The following CTLA4 variants were observed in gnomAD, a reference collection of about 807,000 sequenced individuals.
The protein encoded by CTLA4 is cytotoxic T-lymphocyte associated protein 4, also known as cytotoxic T-lymphocyte protein 4.
Under a neutral mutation model 20.4 loss-of-function variants are expected in CTLA4, and 3 were observed. The observed-to-expected ratio is 0.15, with a 90% CI of 0.07 to 0.38. The LOEUF (loss-of-function observed/expected upper bound fraction) is 0.38. Ranked by LOEUF, CTLA4 falls within the 10% of genes least tolerant of loss-of-function variation. The pLI is 1.00. For synonymous variants in CTLA4, 100 were observed against 105.2 expected (o/e 0.95, Z 0.30); for missense variants, 184 against 276.8 (o/e 0.66, Z 2.38).
rs144988077 is a variant in CTLA4 at position 203,870,802 on chromosome 2, G to A, written c.326G>A (p.Gly109Glu). The part of the protein sequence containing the change: ...DDSICTGTSS[G>E]NQVNLTIQGL... ...TCCATCTGCACGGGCACCTCCAGTG[G>A]AAATCAAGTGAACCTCACTATCCAA... The change falls in exon 2 of 4, where the codon GGA (glycine) becomes GAA (glutamate). Residue 109 changes from glycine (G) to glutamate (E), a missense_variant. Gly to Glu is a moderately conservative substitution (Grantham distance 98). Around this residue, in one of 3 missense-constraint regions of CTLA4, gnomAD observed 147 missense variants for 223.4 expected, o/e 0.66. Transcript: ENST00000648405. The surrounding 1 kb of genome is among the most constrained non-coding windows in gnomAD (Gnocchi z 5.3). The A allele has an allele frequency of 2.4e-4, 380 of 1,614,186 alleles. 1 individual carries two copies. Among genetic ancestry groups the A allele is most frequent in the Middle Eastern group, 2.3e-3 (14 of 6,062 alleles).
rs1375619110 is a variant in CTLA4, at chr2:203,871,379, T to C, written c.459T>C (p.Asp153=). Residue 153 remains aspartate (D), a splice_region_variant and synonymous_variant, in exon 3 of 4, where the codon GAT becomes GAC. Coordinates refer to ENST00000648405, the MANE Select transcript of CTLA4 (RefSeq NM_005214.5). ...IGNGTQIYVI[D]PEPCPDSDFL... is the part of the protein sequence containing the mutation. ...GCTCTGCTTTGTTTTCTGTTGCAGA[T>C]CCAGAACCGTGCCCAGATTCTGACT... is the stretch of plus-strand genomic sequence containing the variant. 1.2e-6 allele frequency: 2 copies of C among 1,613,768 alleles called. No homozygotes were observed. Among genetic ancestry groups the C allele is most frequent in the African/African-American group, 1.3e-5 (1 of 74,914 alleles).
At position 203,873,239 on chromosome 2, in the gene CTLA4, A is replaced by C. The variant is rs1281873384; in HGVS notation, c.*427A>C. On this transcript the variant is annotated 3_prime_UTR_variant, in exon 4 of 4. Coordinates refer to ENST00000648405, the MANE Select transcript of CTLA4 (RefSeq NM_005214.5). ...TTAAATTTTATGCCTTTTATTTCTT[A>C]AACAAATGTATGATTACATCAAGGC... The C allele has an allele frequency of 4.2e-5, 17 of 400,994 alleles. No homozygotes were observed. The East Asian group carries it at 6.0e-4, about 14-fold the overall frequency. 24.8% of individuals were successfully genotyped at this position (400,994 alleles called of 1,614,324 possible).
Position 203,868,004 on chromosome 2 carries a change from C to A in CTLA4, c.62C>A (p.Pro21His). 2 of 1,614,118 alleles carry A rather than the reference C, an allele frequency of 1.2e-6. No individual in the cohort carries two copies. The highest frequency in any genetic ancestry group is 1.1e-5 in the South Asian group (1 of 91,076). The part of the protein sequence containing the change: ...AQLNLATRTW[P>H]CTLLFFLLFI... ...CTGAACCTGGCTACCAGGACCTGGCCCTGCACTCTCCTGTTTTTTCTTCTC... is the reference window on the plus strand; with the variant it reads ...CTGAACCTGGCTACCAGGACCTGGCACTGCACTCTCCTGTTTTTTCTTCTC... The change falls in exon 1 of 4, where the codon CCC (proline) becomes CAC (histidine). Residue 21 changes from proline (P) to histidine (H), a missense_variant. Around this residue, in one of 3 missense-constraint regions of CTLA4, gnomAD observed 35 missense variants for 36.6 expected, o/e 0.96. Transcript: ENST00000648405.
rs907552494 is a variant in CTLA4, at chr2:203,873,284, CTA to C, written c.*474_*475del. The C allele has an allele frequency of 2.7e-6, 1 of 368,508 alleles. No homozygotes were observed. Among genetic ancestry groups the C allele is most frequent in the Non-Finnish European group, 4.8e-6 (1 of 210,382 alleles). 22.8% of individuals were successfully genotyped at this position (368,508 alleles called of 1,614,324 possible). ...CAAGGCTTCAAAAATACTCACATGGCTATGTTTTAGCCAGTGATGCTAAAGGT... is the reference window on the plus strand; with the variant it reads ...CAAGGCTTCAAAAATACTCACATGGCTGTTTTAGCCAGTGATGCTAAAGGT... On this transcript the variant is annotated 3_prime_UTR_variant, in exon 4 of 4. Transcript: ENST00000648405.
At chr2:203,868,666 A>G in intron 1 of CTLA4, among the ~76,000 whole-genome samples, 1 of 152,092 alleles carries the variant, frequency 6.6e-6, no homozygotes, top group Non-Finnish European at 1.5e-5. Flanking sequence ...CAAAAAAAAA[A>G]GACAAGGAAA....
chr2:203,873,213 GTTAAATTTTATGCCT>G lies in CTLA4; in HGVS notation c.*404_*418del, dbSNP rs1399419475. 2 of 402,664 alleles carry G rather than the reference GTTAAATTTTATGCCT, an allele frequency of 5.0e-6. No homozygotes were observed. Among genetic ancestry groups the G allele is most frequent in the Non-Finnish European group, 8.8e-6 (2 of 228,186 alleles). The allele number at this position is 402,664 out of a possible 1,614,324, so 24.9% of individuals were successfully genotyped here. On this transcript the variant is annotated 3_prime_UTR_variant, in exon 4 of 4. Transcript: ENST00000648405. The stretch of plus-strand genomic sequence containing the variant: ...TTTATAGCCGAAATGATCTTTTCAA[GTTAAATTTTATGCCT>G]TTTATTTCTTAAACAAATGTATGAT...
Position 203,873,556 on chromosome 2 carries a change from C to A in CTLA4, c.*744C>A. On this transcript the variant is annotated 3_prime_UTR_variant, in exon 4 of 4. Transcript: ENST00000648405. ...GAACACAAGGTCATTTGCTAACTAG[C>A]TTGGAAACTGGATGAGGTCATAGCA... 1 of 217,004 alleles carries A rather than the reference C, an allele frequency of 4.6e-6. No individual in the cohort carries two copies. Among genetic ancestry groups the A allele is most frequent in the Non-Finnish European group, 9.2e-6 (1 of 108,280 alleles). 13.4% of individuals were successfully genotyped at this position (217,004 alleles called of 1,614,324 possible).
At chr2:203,871,606 G>A (rs1297341153) in intron 3 of CTLA4, 119 bp downstream of exon 3, 13 of 817,494 alleles carry the variant, frequency 1.6e-5, no homozygotes, top group Non-Finnish European at 2.7e-5. Flanking sequence ...TAAATGAAGA[G>A]GAAGGACAGT....
intron 2 of CTLA4, among the ~76,000 whole-genome samples, 175 bp from the exon 3 acceptor site, chr2:203,871,203 A>T (rs552409272): frequency 7.2e-5 from 11 of 152,230 alleles, no homozygotes; most frequent in South Asian, 4.1e-4. Flanking sequence ...ATATGATATG[A>T]TGCTCCTGGG....
In CTLA4 at chr2:203,870,692, A is replaced by C; in HGVS notation, c.216A>C (p.Thr72=). Residue 72 remains threonine, a synonymous_variant, in exon 2 of 4, where the codon ACA becomes ACC. Transcript: ENST00000648405. This position sits in a 1 kb window ranked among gnomAD's most constrained non-coding sequence, Gnocchi z 5.3. ...SPGKATEVRV[T]VLRQADSQVT... ...GCAAAGCCACTGAGGTCCGGGTGACAGTGCTTCGGCAGGCTGACAGCCAGG... is the reference window on the plus strand; with the variant it reads ...GCAAAGCCACTGAGGTCCGGGTGACCGTGCTTCGGCAGGCTGACAGCCAGG... 1.2e-6 allele frequency: 2 copies of C among 1,614,230 alleles called. No individual in the cohort carries two copies. Among genetic ancestry groups the C allele is most frequent in the Non-Finnish European group, 1.7e-6 (2 of 1,180,032 alleles).
chr2:203,872,370 C>T (rs574485746), intron 3 of CTLA4, among the ~76,000 whole-genome samples: 4 of 152,332 alleles, frequency 2.6e-5, no homozygotes, highest in African/African-American at 9.6e-5. Context: ...AACAGGATAA[C>T]TAAAGCTTAT....
chr2:203,867,803 A>C lies in CTLA4; in HGVS notation c.-140A>C. On this transcript the variant is annotated 5_prime_UTR_variant, in exon 1 of 4. It removes an upstream start codon present in the reference 5' UTR. Coordinates refer to ENST00000648405, the MANE Select transcript of CTLA4 (RefSeq NM_005214.5). Reference sequence around the variant, plus strand: ...ATTCAAGTGCCTTCTGTGTGTGCACATGTGTAATACATATCTGGGATCAAA... The same window carrying C: ...ATTCAAGTGCCTTCTGTGTGTGCACCTGTGTAATACATATCTGGGATCAAA... 1.7e-6 allele frequency: 1 copy of C among 578,562 alleles called. No individual in the cohort carries two copies. Among genetic ancestry groups the C allele is most frequent in the Non-Finnish European group, 3.1e-6 (1 of 325,414 alleles). 35.8% of individuals were successfully genotyped at this position (578,562 alleles called of 1,614,324 possible). A position where few individuals can be genotyped will look rare whatever the true frequency, so the allele number is the denominator to read the frequency against.
Position 203,870,502 on chromosome 2 carries a change from A to T in CTLA4, c.110-84A>T. ...GGGGGGAGAAAAGGCCGTGGGGATG[A>T]AGCTAGAAGGCAGAAGGGCTTGCCT... On this transcript the variant is annotated intron_variant, in intron 1 of 3. Transcript: ENST00000648405. This position sits in a 1 kb window ranked among gnomAD's most constrained non-coding sequence, Gnocchi z 5.3. 1 of 1,465,598 alleles carries T rather than the reference A, an allele frequency of 6.8e-7. No homozygotes were observed. Among genetic ancestry groups the T allele is most frequent in the Non-Finnish European group, 9.3e-7 (1 of 1,070,590 alleles). The allele number at this position is 1,465,598 out of a possible 1,614,324, so 90.8% of individuals were successfully genotyped here.
chr2:203,873,327 CATATATATATATATAT>C lies in CTLA4; in HGVS notation c.*556_*571del, dbSNP rs60872763. ...TGCTAAAGGTTGTATTGCATATATA[CATATATATATATATAT>C]ATATATATATATATATATATATATA... On this transcript the variant is annotated 3_prime_UTR_variant, in exon 4 of 4. Transcript: ENST00000648405. 1,818 of 182,678 alleles carry C rather than the reference CATATATATATATATAT, an allele frequency of 1.0e-2. 5 individuals carry two copies. The highest frequency in any genetic ancestry group is 0.014 in the African/African-American group (441 of 30,642). The allele number at this position is 182,678 out of a possible 1,614,324, so 11.3% of individuals were successfully genotyped here.
rs1201748787 is a variant in CTLA4, at chr2:203,873,501, G to A, written c.*689G>A. On this transcript the variant is annotated 3_prime_UTR_variant, in exon 4 of 4. Coordinates refer to ENST00000648405, the MANE Select transcript of CTLA4 (RefSeq NM_005214.5). ...CCTTGGGTCCCAGGGAAGTTTTGTG[G>A]AGGAGCTCAGGACACTAATACACCA... is the stretch of plus-strand genomic sequence containing the variant. 3 of 220,348 alleles carry A rather than the reference G, an allele frequency of 1.4e-5. No individual in the cohort carries two copies. The highest frequency in any genetic ancestry group is 2.7e-5 in the Non-Finnish European group (3 of 111,014). The allele number at this position is 220,348 out of a possible 1,614,324, so 13.6% of individuals were successfully genotyped here.
At chr2:203,872,643 A>G (rs1688754172) in intron 3 of CTLA4, 65 bp from the exon 4 acceptor site, 6 of 962,656 alleles carry the variant, frequency 6.2e-6, no homozygotes, top group South Asian at 2.6e-5. Context: ...GTTGAGTTCT[A>G]TTATGGTTAG....
rs1688703299 is a variant in CTLA4, at chr2:203,870,214, TATC to T, written c.110-368_110-366del. 1.1e-5 allele frequency: 3 copies of T among 280,312 alleles called. No homozygotes were observed. Among genetic ancestry groups the T allele is most frequent in the Non-Finnish European group, 2.1e-5 (3 of 146,104 alleles). The allele number at this position is 280,312 out of a possible 1,614,324, so 17.4% of individuals were successfully genotyped here. ...CATAACCTTAGAATACCAGAGAACA[TATC>T]ATCTCATCTAATTATCTCTTACTAT... On this transcript the variant is annotated intron_variant, in intron 1 of 3. Transcript: ENST00000648405. This position sits in a 1 kb window ranked among gnomAD's most constrained non-coding sequence, Gnocchi z 5.3.
rs1688780456 is a variant in CTLA4, at chr2:203,873,795, CAT to C, written c.*984_*985del. 8.7e-6 allele frequency: 2 copies of C among 228,682 alleles called. No homozygotes were observed. The highest frequency in any genetic ancestry group is 1.8e-4 in the South Asian group (1 of 5,494). The allele number at this position is 228,682 out of a possible 1,614,324, so 14.2% of individuals were successfully genotyped here. A position where few individuals can be genotyped will look rare whatever the true frequency, so the allele number is the denominator to read the frequency against. ...GTTCGATGGGCCCAATTCTTACAAA[CAT>C]GTGGTTAATGCCATGGACAGAAGAA... On this transcript the variant is annotated 3_prime_UTR_variant, in exon 4 of 4. Transcript: ENST00000648405.
chr2:203,870,525 C>T lies in CTLA4; in HGVS notation c.110-61C>T. On this transcript the variant is annotated intron_variant, in intron 1 of 3. Coordinates refer to ENST00000648405, the MANE Select transcript of CTLA4 (RefSeq NM_005214.5). The surrounding 1 kb of genome is among the most constrained non-coding windows in gnomAD (Gnocchi z 5.3). ...TGAAGCTAGAAGGCAGAAGGGCTTG[C>T]CTGGGCTTGGCCATGAAGGAGCATG... 6.4e-7 allele frequency: 1 copy of T among 1,568,478 alleles called. No homozygotes were observed. Among genetic ancestry groups the T allele is most frequent in the Non-Finnish European group, 8.7e-7 (1 of 1,151,384 alleles).
Sources: gnomAD v4.1 joint callset for allele counts (sites outside exome capture counted in the v4.1 genomes callset) on GRCh38, gnomAD v4.1.1 for gene constraint, gnomAD v4.1.1 regional missense constraint, Gnocchi (gnomAD v3.1) non-coding constraint, MANE v1.5 for transcripts, NCBI Gene and HGNC (gene_info 2026-07-23, HGNC 2026-07-21) for gene names.